The following FAM222B variants were observed in gnomAD, a reference collection of about 807,000 sequenced individuals.
FAM222B encodes family with sequence similarity 222 member B, also known as protein FAM222B.
In FAM222B, 12 loss-of-function variants were observed where a neutral mutation model predicts 38.0. That is an observed-to-expected ratio of 0.32 (90% CI 0.20 to 0.51). The LOEUF is 0.51. FAM222B is among the 20% of genes least tolerant of loss of function. FAM222B has a pLI of 0.97. For synonymous variants in FAM222B, 329 were observed against 317.2 expected (o/e 1.04, Z -0.40); for missense variants, 716 against 754.2 (o/e 0.95, Z 0.59).
chr17:28,796,994 CT>C (rs34242589), intron 1 of FAM222B, among the ~76,000 whole-genome samples: 1,107 of 81,606 alleles, frequency 0.014, 5 homozygotes, highest in African/African-American at 0.044. Context: ...GTGGCTATTG[CT>C]TTTTTTTTTT....
chr17:28,793,793 T>C (rs1445434640), intron 1 of FAM222B, among the ~76,000 whole-genome samples: 1 of 151,006 alleles, frequency 6.6e-6, no homozygotes, highest in Non-Finnish European at 1.5e-5. Flanking sequence ...TTGCCCAGGC[T>C]GGAGTGCAAT....
At chr17:28,810,978 CCA>C (rs2037732108) in intron 1 of FAM222B, among the ~76,000 whole-genome samples, 1 of 152,018 alleles carries the variant, frequency 6.6e-6, no homozygotes. Flanking sequence ...AAAGTGGACC[CCA>C]GTTACAACAA....
At chr17:28,842,505 T>C (rs2039079715) in intron 1 of FAM222B, among the ~76,000 whole-genome samples, 177 bp downstream of exon 1, 1 of 152,070 alleles carries the variant, frequency 6.6e-6, no homozygotes. Flanking sequence ...GCTGTCCAGC[T>C]CTGCGGCCGG....
At chr17:28,776,149 T>G (rs1404524931) in intron 1 of FAM222B, among the ~76,000 whole-genome samples, 5 of 148,402 alleles carry the variant, frequency 3.4e-5, no homozygotes, top group African/African-American at 1.2e-4. Flanking sequence ...GAGGCGGGCG[T>G]ATCATGAGAT....
At chr17:28,778,504 C>G (rs1336533009) in intron 1 of FAM222B, among the ~76,000 whole-genome samples, 1 of 146,882 alleles carries the variant, frequency 6.8e-6, no homozygotes, top group Non-Finnish European at 1.5e-5. Flanking sequence ...TTCCCCCCAC[C>G]CCCGCTTTTT....
intron 1 of FAM222B, among the ~76,000 whole-genome samples, chr17:28,779,269 G>A (rs2036053091): frequency 6.6e-6 from 1 of 152,042 alleles, no homozygotes; most frequent in Non-Finnish European, 1.5e-5. Flanking sequence ...GAACAAATAT[G>A]CAAAAATCCT....
chr17:28,768,167 A>G (rs1000276232), intron 1 of FAM222B, among the ~76,000 whole-genome samples: 4 of 152,214 alleles, frequency 2.6e-5, no homozygotes, highest in Admixed American at 6.5e-5. Flanking sequence ...TTCTTTTCCC[A>G]TATTTCAGAA....
intron 1 of FAM222B, chr17:28,854,815 T>C: frequency 2.1e-6 from 1 of 483,042 alleles, no homozygotes; most frequent in Non-Finnish European, 3.6e-6. Flanking sequence ...TGTATGGGAG[T>C]CCAAAACTAC....
chr17:28,790,884 C>CTTTTT lies in FAM222B; in HGVS notation c.-40-24182_-40-24178dup, dbSNP rs60664262. On this transcript the variant is annotated intron_variant, in intron 1 of 2. Transcript: ENST00000581407. ...GTTCTATATATTTCAAATTGTTTCACTTTTTTTTTTTTTTTTTTTTTTTTT... is the reference window on the plus strand; with the variant it reads ...GTTCTATATATTTCAAATTGTTTCACTTTTTTTTTTTTTTTTTTTTTTTTTTTTTT... 6.4e-4 allele frequency among the ~76,000 whole-genome samples: 55 copies of CTTTTT among 86,064 alleles called. 1 individual carries two copies. The highest frequency in any genetic ancestry group is 7.6e-3 in the Middle Eastern group (1 of 132). The allele number at this position is 86,064 out of a possible 152,430, so 56.5% of individuals were successfully genotyped here.
chr17:28,807,562 T>C (rs527704196), intron 1 of FAM222B, among the ~76,000 whole-genome samples: 7 of 152,174 alleles, frequency 4.6e-5, no homozygotes, highest in African/African-American at 1.7e-4. Flanking sequence ...ATTTTCATAT[T>C]TTTAGTAGAG....
intron 1 of FAM222B, among the ~76,000 whole-genome samples, chr17:28,809,072 G>T (rs1245233415): frequency 6.6e-6 from 1 of 152,080 alleles, no homozygotes; most frequent in Non-Finnish European, 1.5e-5. Flanking sequence ...AAGCAGGATG[G>T]GCCGGGCACG....
At chr17:28,814,219 A>G (rs1183343607) in intron 1 of FAM222B, among the ~76,000 whole-genome samples, 1 of 151,976 alleles carries the variant, frequency 6.6e-6, no homozygotes, top group African/African-American at 2.4e-5. Context: ...GGGGGTCAGG[A>G]AAGGCAAGCT....
At chr17:28,805,584 G>A (rs1187414598) in intron 1 of FAM222B, among the ~76,000 whole-genome samples, 2 of 151,876 alleles carry the variant, frequency 1.3e-5, no homozygotes, top group African/African-American at 2.4e-5. Context: ...AGCCCAAGGG[G>A]TGGAGACTGC....
chr17:28,804,405 G>T (rs1056603571), intron 1 of FAM222B, among the ~76,000 whole-genome samples: 1 of 152,022 alleles, frequency 6.6e-6, no homozygotes, highest in Admixed American at 6.6e-5. Flanking sequence ...CGCGATCTCG[G>T]CTCACCGCAA....
chr17:28,841,644 G>C (rs751365354), intron 1 of FAM222B, among the ~76,000 whole-genome samples: 12 of 152,186 alleles, frequency 7.9e-5, no homozygotes, highest in Admixed American at 3.9e-4. Flanking sequence ...AAAGTGCTGG[G>C]ATTACAGACA....
At chr17:28,772,588 A>G in intron 1 of FAM222B, among the ~76,000 whole-genome samples, 1 of 150,704 alleles carries the variant, frequency 6.6e-6, no homozygotes, top group Non-Finnish European at 1.5e-5. Context: ...AAAAAAAAAA[A>G]AGAACAGAGA....
At chr17:28,802,007 CA>C (rs61492022) in intron 1 of FAM222B, among the ~76,000 whole-genome samples, 27,669 of 109,046 alleles carry the variant, frequency 0.25, 2,533 homozygotes, top group South Asian at 0.35. Flanking sequence ...TTGCTGAATG[CA>C]AAAAAAAAAA....
At chr17:28,778,710 TATATATA>T (rs2036018584) in intron 1 of FAM222B, among the ~76,000 whole-genome samples, 9 of 85,438 alleles carry the variant, frequency 1.1e-4, no homozygotes, top group Admixed American at 4.1e-4. Context: ...TATATATATA[TATATATA>T]TATTTTTTTT....
At chr17:28,822,612 G>A (rs1348213017) in intron 1 of FAM222B, among the ~76,000 whole-genome samples, 2 of 138,234 alleles carry the variant, frequency 1.4e-5, no homozygotes, top group African/African-American at 5.4e-5. Flanking sequence ...GGCAACAAGA[G>A]CGAAACTCCA....
Sources: gnomAD v4.1 joint callset for allele counts (sites outside exome capture counted in the v4.1 genomes callset) on GRCh38, gnomAD v4.1.1 for gene constraint, MANE v1.5 for transcripts, NCBI Gene and HGNC (gene_info 2026-07-23, HGNC 2026-07-21) for gene names.